The following GLIS3 variants were observed in gnomAD, a reference collection of about 807,000 sequenced individuals.
GLIS3 encodes GLIS family zinc finger 3.
In GLIS3, 53 loss-of-function variants were observed where a neutral mutation model predicts 78.6. The ratio of observed to expected loss-of-function variants is 0.67; its 90% CI spans 0.54 to 0.85. GLIS3 has a LOEUF of 0.85. Ranked by LOEUF, GLIS3 falls within the 40% of genes least tolerant of loss-of-function variation. The probability of loss-of-function intolerance (pLI) is 0.00; values close to 1 mark genes in which losing one functional copy is unlikely to be tolerated. For synonymous variants in GLIS3, 684 were observed against 509.9 expected (o/e 1.34, Z -4.60); for missense variants, 1,703 against 1,231.1 (o/e 1.38, Z -5.74).
chr9:4,364,360 G>C, the GLIS3 span, among the ~76,000 whole-genome samples: 1 of 152,072 alleles, frequency 6.6e-6, no homozygotes, highest in East Asian at 1.9e-4. Context: ...CCTTGGGTGA[G>C]GATAAGTCTT....
At chr9:4,070,072 A>T (rs955703933) in intron 4 of GLIS3, among the ~76,000 whole-genome samples, 32 of 152,152 alleles carry the variant, frequency 2.1e-4, no homozygotes, top group African/African-American at 4.3e-4. Context: ...TGTAATCAAA[A>T]TACTCAAGTG....
At chr9:4,249,643 T>G (rs2129838276) in intron 2 of GLIS3, among the ~76,000 whole-genome samples, 1 of 152,308 alleles carries the variant, frequency 6.6e-6, no homozygotes, top group Admixed American at 6.5e-5. Context: ...TGGCCAGAAC[T>G]TCCAATACTA....
chr9:3,922,387 T>C (rs1478430305), intron 6 of GLIS3, among the ~76,000 whole-genome samples: 1 of 152,202 alleles, frequency 6.6e-6, no homozygotes, highest in Admixed American at 6.5e-5. Flanking sequence ...TATGCTAACA[T>C]CTCTGAAATC....
At chr9:4,113,881 A>G (rs1336501248) in intron 4 of GLIS3, among the ~76,000 whole-genome samples, 1 of 152,340 alleles carries the variant, frequency 6.6e-6, no homozygotes, top group Admixed American at 6.5e-5. Flanking sequence ...AAATGAGTCA[A>G]TTCATACAAA....
intron 8 of GLIS3, among the ~76,000 whole-genome samples, chr9:3,869,241 A>AAGAG (rs144599412): frequency 0.1 from 14,776 of 146,004 alleles, 929 homozygotes; most frequent in Middle Eastern, 0.22. Context: ...TACTACATTA[A>AAGAG]AGAGAGTGAG....
intron 4 of GLIS3, among the ~76,000 whole-genome samples, chr9:4,066,250 T>C (rs1369936328): frequency 6.6e-6 from 1 of 152,186 alleles, no homozygotes; most frequent in African/African-American, 2.4e-5. Flanking sequence ...AGCAGATCAT[T>C]AACACTCATT....
chr9:4,141,130 A>G (rs1424496177), intron 2 of GLIS3, among the ~76,000 whole-genome samples: 1 of 152,116 alleles, frequency 6.6e-6, no homozygotes, highest in East Asian at 1.9e-4. Context: ...TCTTGTGTAG[A>G]AATCTAAATT....
the GLIS3 span, among the ~76,000 whole-genome samples, chr9:4,384,192 C>T: frequency 1.3e-5 from 2 of 152,304 alleles, no homozygotes; most frequent in South Asian, 4.2e-4. Flanking sequence ...CTTTGTGGAG[C>T]ACACTGGTGG....
In GLIS3 at chr9:4,227,741, A is replaced by C. The variant is rs138315472; in HGVS notation, c.388+58297T>G. Among the ~76,000 whole-genome samples, 10 of 152,372 alleles carry C rather than the reference A, an allele frequency of 6.6e-5. No individual in the cohort carries two copies. The East Asian group carries it at 1.9e-3, about 29-fold the overall frequency. ...TTATCATGGGATGAAACCACTGCAT[A>C]AAGTCAGGTGAAGCCAAGGAGCTCT... On this transcript the variant is annotated intron_variant, in intron 2 of 10. Coordinates refer to ENST00000381971, the MANE Select transcript of GLIS3 (RefSeq NM_001042413.2).
chr9:4,454,286 T>A, the GLIS3 span, among the ~76,000 whole-genome samples: 1 of 152,106 alleles, frequency 6.6e-6, no homozygotes, highest in Non-Finnish European at 1.5e-5. Context: ...ATTACAGGCA[T>A]GAGCCACCAC....
chr9:4,095,603 T>G (rs535360664), intron 4 of GLIS3, among the ~76,000 whole-genome samples: 1 of 152,130 alleles, frequency 6.6e-6, no homozygotes, highest in Non-Finnish European at 1.5e-5. Flanking sequence ...GTTCTAATGT[T>G]TCCTCTACCA....
chr9:4,395,782 T>C, the GLIS3 span, among the ~76,000 whole-genome samples: 1 of 150,982 alleles, frequency 6.6e-6, no homozygotes, highest in Non-Finnish European at 1.5e-5. Flanking sequence ...TTTTTCTTTT[T>C]TTTTTTTTTT....
intron 2 of GLIS3, among the ~76,000 whole-genome samples, chr9:4,263,900 C>T (rs1216224780): frequency 1.3e-5 from 2 of 152,116 alleles, no homozygotes; most frequent in Non-Finnish European, 2.9e-5. Context: ...TTCTTCATGG[C>T]TCAGTTATTG....
At chr9:4,250,158 C>T (rs1222448674) in intron 2 of GLIS3, among the ~76,000 whole-genome samples, 2 of 152,170 alleles carry the variant, frequency 1.3e-5, no homozygotes, top group Non-Finnish European at 2.9e-5. Context: ...AGGATTCCCT[C>T]TTTTTCTATT....
intron 2 of GLIS3, among the ~76,000 whole-genome samples, chr9:4,266,338 T>A (rs1563862234): frequency 6.6e-6 from 1 of 152,112 alleles, no homozygotes; most frequent in Non-Finnish European, 1.5e-5. Flanking sequence ...ATGGATGAAG[T>A]GCCTCCAATG....
chr9:4,296,040 C>T (rs1470254952), intron 1 of GLIS3, among the ~76,000 whole-genome samples: 1 of 152,052 alleles, frequency 6.6e-6, no homozygotes, highest in Non-Finnish European at 1.5e-5. Context: ...GTATTTCCAC[C>T]TTATTTACAA....
chr9:4,187,281 G>A (rs1817894417), intron 2 of GLIS3, among the ~76,000 whole-genome samples: 1 of 152,144 alleles, frequency 6.6e-6, no homozygotes, highest in African/African-American at 2.4e-5. Context: ...GTTTTTCTCA[G>A]GTTTGTCAAA....
chr9:3,876,143 A>T (rs1283890361), intron 8 of GLIS3, among the ~76,000 whole-genome samples: 1 of 152,128 alleles, frequency 6.6e-6, no homozygotes, highest in East Asian at 1.9e-4. Context: ...TCCCACCAAA[A>T]ATATTTACAA....
At chr9:4,054,403 C>G (rs1334581405) in intron 4 of GLIS3, 1 of 985,298 alleles carries the variant, frequency 1.0e-6, no homozygotes, top group African/African-American at 1.7e-5. Flanking sequence ...GAGGAACCAT[C>G]TGAATTTAAC....
Sources: allele counts gnomAD v4.1 joint callset (sites outside exome capture counted in the v4.1 genomes callset), GRCh38; gene constraint gnomAD v4.1.1; transcripts MANE v1.5; gene names NCBI Gene and HGNC (gene_info 2026-07-23, HGNC 2026-07-21).